The following STAR variants were observed in gnomAD, a reference collection of about 807,000 sequenced individuals.
STAR encodes steroidogenic acute regulatory protein.
STAR carries 32 observed loss-of-function variants against 32.3 expected under a neutral mutation model. The observed-to-expected ratio is 0.99, with a 90% CI of 0.75 to 1.33. The LOEUF is 1.33. STAR is among the 40% of genes most tolerant of loss of function. STAR has a pLI of 0.00. For synonymous variants in STAR, 134 were observed against 140.5 expected, an observed-to-expected ratio of 0.95 and a Z score of 0.33; for missense variants, 375 against 379.0, an observed-to-expected ratio of 0.99 and a Z score of 0.09.
chr8:38,146,020 A>G lies in STAR; in HGVS notation c.593T>C (p.Val198Ala), dbSNP rs1015666075. 1 of 1,614,242 alleles carries G rather than the reference A, an allele frequency of 6.2e-7. No individual in the cohort carries two copies. Among genetic ancestry groups the G allele is most frequent in the Non-Finnish European group, 8.5e-7 (1 of 1,180,042 alleles). The stretch of plus-strand genomic sequence containing the variant: ...GAAGTCTGTGGCCATGCCAGCCAGC[A>G]CACAGGTGGAGCCTCGGCGCTTGGC... ...RCAKRRGSTCVLAGMATDFGN... is the reference protein window; with the variant it reads ...RCAKRRGSTCALAGMATDFGN... The change falls in exon 5 of 7, where the codon GTG becomes GCG. Residue 198 changes from valine to alanine, a missense_variant. By Grantham distance (64) the Val-to-Ala change is moderately conservative. Coordinates refer to ENST00000276449, the MANE Select transcript of STAR (RefSeq NM_000349.3).
At chr8:38,146,704 G>A (rs916954163) in intron 3 of STAR, among the ~76,000 whole-genome samples, 49 of 151,874 alleles carry the variant, frequency 3.2e-4, no homozygotes, top group Admixed American at 3.9e-4. Context: ...GAACCTGCAC[G>A]GCAGAGGTTG....
intron 3 of STAR, among the ~76,000 whole-genome samples, chr8:38,147,046 G>A (rs1193219485): frequency 6.6e-6 from 1 of 151,020 alleles, no homozygotes; most frequent in East Asian, 1.9e-4. Flanking sequence ...GGAGTGCAGT[G>A]GCACAATCAC....
intron 6 of STAR, chr8:38,144,924 A>T: frequency 2.0e-6 from 2 of 999,566 alleles, no homozygotes; most frequent in Non-Finnish European, 2.6e-6. Context: ...CGGAAGAATC[A>T]CTTGAATCCG....
chr8:38,148,819 C>T (rs1802622826), intron 1 of STAR, 65 bp from the exon 2 acceptor site: 1 of 1,282,970 alleles, frequency 7.8e-7, no homozygotes, highest in African/African-American at 1.5e-5. Flanking sequence ...CACTCCCACC[C>T]CCTCATCTTG....
At chr8:38,144,467 G>A in intron 6 of STAR, 81 bp from the exon 7 acceptor site, 1 of 1,541,196 alleles carries the variant, frequency 6.5e-7, no homozygotes, top group South Asian at 1.2e-5. Flanking sequence ...CAAACAGGCT[G>A]CCAGGGGCTT....
intron 3 of STAR, among the ~76,000 whole-genome samples, chr8:38,147,705 G>A (rs1371259034): frequency 6.6e-6 from 1 of 152,328 alleles, no homozygotes; most frequent in Non-Finnish European, 1.5e-5. Flanking sequence ...AGCCTTTACC[G>A]TGAACCTGGT....
At position 38,150,871 on chromosome 8, in the gene STAR, C is replaced by T; in HGVS notation, c.-53G>A. ...GGGTCGCTGCCGCTGCTGCTGCCGC[C>T]GCTGCTGCTGCCTCTTCTCTCAAGG... On this transcript the variant is annotated 5_prime_UTR_variant, in exon 1 of 7. Transcript: ENST00000276449. 6.2e-7 allele frequency: 1 copy of T among 1,600,676 alleles called. No individual in the cohort carries two copies. The highest frequency in any genetic ancestry group is 1.1e-5 in the South Asian group (1 of 91,044).
Position 38,150,773 on chromosome 8 carries a change from G to A in STAR, c.46C>T (p.His16Tyr). ...FKLCAGSSYR[H>Y]MRNMKGLRQQ... is the part of the protein sequence containing the mutation. ...CGCTCACCCTTCATGTTGCGCATGT[G>A]TCTGTAGGAGCTCCCAGCGCACAGC... Residue 16 changes from histidine (H) to tyrosine (Y), a missense_variant, in exon 1 of 7, where the codon CAC becomes TAC. Physicochemically the swap from His to Tyr is moderately conservative, Grantham distance 83. Transcript: ENST00000276449. The A allele has an allele frequency of 6.2e-7, 1 of 1,607,278 alleles. No homozygotes were observed. Among genetic ancestry groups the A allele is most frequent in the Non-Finnish European group, 8.5e-7 (1 of 1,179,982 alleles).
At position 38,144,919 on chromosome 8, in the gene STAR, G is replaced by A; in HGVS notation, c.744+303C>T. The A allele has an allele frequency of 3.1e-6, 3 of 959,484 alleles. No individual in the cohort carries two copies. The East Asian group carries it at 1.4e-4, about 45-fold the overall frequency. 59.4% of individuals were successfully genotyped at this position (959,484 alleles called of 1,614,324 possible). ...AGCTACTCAGGAGGCTGAGGCGGAA[G>A]AATCACTTGAATCCGGGAGGCGGAG... On this transcript the variant is annotated intron_variant, in intron 6 of 6. Coordinates refer to ENST00000276449, the MANE Select transcript of STAR (RefSeq NM_000349.3).
rs931444474 is a variant in STAR at position 38,144,933 on chromosome 8, C to T, written c.744+289G>A. 16 of 1,074,790 alleles carry T rather than the reference C, an allele frequency of 1.5e-5. No individual in the cohort carries two copies. In the East Asian group the frequency reaches 2.1e-4, roughly 14 times the overall value. 66.6% of individuals were successfully genotyped at this position (1,074,790 alleles called of 1,614,324 possible). A position where few individuals can be genotyped will look rare whatever the true frequency, so the allele number is the denominator to read the frequency against. ...CTGAGGCGGAAGAATCACTTGAATC[C>T]GGGAGGCGGAGGTTACGGTGAGCTG... On this transcript the variant is annotated intron_variant, in intron 6 of 6. Coordinates refer to ENST00000276449, the MANE Select transcript of STAR (RefSeq NM_000349.3).
chr8:38,146,598 A>G, intron 3 of STAR, 151 bp from the exon 4 acceptor site: 1 of 802,362 alleles, frequency 1.2e-6, no homozygotes, highest in Non-Finnish European at 2.0e-6. Flanking sequence ...CAAGATGGTG[A>G]AACCCCGTCT....
At position 38,148,304 on chromosome 8, in the gene STAR, A is replaced by G. The variant is rs1254245707; in HGVS notation, c.202T>C (p.Tyr68His). ...LLGSRLEETLYSDQELAYLQQ... is the reference protein window; with the variant it reads ...LLGSRLEETLHSDQELAYLQQ... ...AGATAGGCCAGCTCCTGGTCACTGT[A>G]GAGAGTCTCTTCCAGCCGAGAACCT... Residue 68 changes from tyrosine (Y) to histidine (H), a missense_variant, in exon 3 of 7, where the codon TAC becomes CAC. Physicochemically the swap from Tyr to His is moderately conservative, Grantham distance 83. Coordinates refer to ENST00000276449, the MANE Select transcript of STAR (RefSeq NM_000349.3). 6.2e-7 allele frequency: 1 copy of G among 1,613,774 alleles called. No individual in the cohort carries two copies. The highest frequency in any genetic ancestry group is 1.3e-5 in the African/African-American group (1 of 74,882).
intron 6 of STAR, chr8:38,144,840 C>A: frequency 1.8e-6 from 1 of 561,010 alleles, no homozygotes; most frequent in Admixed American, 4.0e-5. Context: ...GAAACCCCGT[C>A]TCTACTAAAA....
chr8:38,142,830 T>G lies in STAR; in HGVS notation c.*1443A>C, dbSNP rs1802490844. Among the ~76,000 whole-genome samples the G allele has an allele frequency of 6.6e-6, 1 of 152,098 alleles. No homozygotes were observed. Among genetic ancestry groups the G allele is most frequent in the African/African-American group, 2.4e-5 (1 of 41,426 alleles). On this transcript the variant is annotated 3_prime_UTR_variant, in exon 7 of 7. Transcript: ENST00000276449. ...GCCACCTCACATAAATTCTCTTGAC[T>G]CCTGGGAAAGGGAATTTGCTTTCAC...
At chr8:38,145,077 G>A (rs1206731527) in intron 6 of STAR, 145 bp downstream of exon 6, 4 of 1,513,176 alleles carry the variant, frequency 2.6e-6, no homozygotes, top group Non-Finnish European at 3.5e-6. Flanking sequence ...TAGCAGTTAG[G>A]CCATCACTCC....
At chr8:38,149,896 A>C (rs745585396) in intron 1 of STAR, among the ~76,000 whole-genome samples, 1 of 152,120 alleles carries the variant, frequency 6.6e-6, no homozygotes, top group Non-Finnish European at 1.5e-5. Context: ...TTTGGGAGGC[A>C]GATCACCTGA....
rs1386340153 is a variant in STAR at position 38,143,192 on chromosome 8, A to T, written c.*1081T>A. ...CTGGTAACAGAGTCTAAATTATTGA[A>T]TTGCATAATTTCCCAGTAGTTCCTT... On this transcript the variant is annotated 3_prime_UTR_variant, in exon 7 of 7. Transcript: ENST00000276449. Among the ~76,000 whole-genome samples the T allele has an allele frequency of 6.6e-6, 1 of 152,166 alleles. No individual in the cohort carries two copies. The highest frequency in any genetic ancestry group is 1.5e-5 in the Non-Finnish European group (1 of 68,030).
In STAR at chr8:38,148,213, T is replaced by A. The variant is rs1477341780; in HGVS notation, c.293A>T (p.Lys98Met). 1 of 1,613,534 alleles carries A rather than the reference T, an allele frequency of 6.2e-7. No homozygotes were observed. The highest frequency in any genetic ancestry group is 1.7e-5 in the Admixed American group (1 of 60,006). The change falls in exon 3 of 7, where the codon AAG becomes ATG. Residue 98 changes from lysine to methionine, a missense_variant. Physicochemically the swap from Lys to Met is moderately conservative, Grantham distance 95 (BLOSUM62 -1). Transcript: ENST00000276449. The part of the protein sequence containing the change: ...GILSNQEGWK[K>M]ESQQDNGDKV... The stretch of plus-strand genomic sequence containing the variant: ...CCCGACACTTACCTGCTGACTCTCC[T>A]TCTTCCAGCCCTCTTGGTTGCTAAG...
In STAR at chr8:38,145,409, G is replaced by A. The variant is rs894734613; in HGVS notation, c.651-94C>T. ...GTACCATAGATAACACGTTTCTACG[G>A]TACCTTGTCTTTTCTGAGTCTCATC... On this transcript the variant is annotated intron_variant, in intron 5 of 6. Coordinates refer to ENST00000276449, the MANE Select transcript of STAR (RefSeq NM_000349.3). 2.6e-6 allele frequency: 4 copies of A among 1,550,012 alleles called. No individual in the cohort carries two copies. In the African/African-American group the frequency reaches 4.1e-5, roughly 16 times the overall value.
Sources: allele counts gnomAD v4.1 joint callset (sites outside exome capture counted in the v4.1 genomes callset), GRCh38; gene constraint gnomAD v4.1.1; transcripts MANE v1.5; gene names NCBI Gene and HGNC (gene_info 2026-07-23, HGNC 2026-07-21).